The following GRIN2A variants were observed in gnomAD, a reference collection of about 807,000 sequenced individuals.
GRIN2A encodes glutamate receptor ionotropic, NMDA 2A.
In GRIN2A, 22 loss-of-function variants were observed where a neutral mutation model predicts 113.4. The observed-to-expected ratio is 0.19, with a 90% CI of 0.14 to 0.28. The LOEUF is 0.28. GRIN2A is among the 10% of genes least tolerant of loss of function. The pLI is 1.00. For missense variants in GRIN2A, 1,502 were observed against 1,887.0 expected (o/e 0.80, Z 3.78); for synonymous variants, 827 against 738.4 (o/e 1.12, Z -1.94).
At chr16:9,909,395 G>A (rs1423995396) in intron 3 of GRIN2A, among the ~76,000 whole-genome samples, 1 of 152,208 alleles carries the variant, frequency 6.6e-6, no homozygotes, top group Admixed American at 6.5e-5. Context: ...CCTAGGTTGA[G>A]CTGTCCAGTA....
chr16:9,906,468 G>C (rs914224864), intron 3 of GRIN2A, among the ~76,000 whole-genome samples: 3 of 152,164 alleles, frequency 2.0e-5, no homozygotes, highest in Non-Finnish European at 4.4e-5. Context: ...GAACCCTGGA[G>C]GGCATCTCTG....
intron 2 of GRIN2A, among the ~76,000 whole-genome samples, chr16:10,058,620 G>C (rs904953064): frequency 6.6e-6 from 1 of 152,232 alleles, no homozygotes; most frequent in Non-Finnish European, 1.5e-5. Flanking sequence ...ACTTTTGTTA[G>C]AGGTAAGTAA....
intron 2 of GRIN2A, 105 bp downstream of exon 2, chr16:10,179,893 C>T (rs2050224062): frequency 1.4e-6 from 1 of 718,988 alleles, no homozygotes. Context: ...CCCCCACCCC[C>T]ACTTCACATC....
chr16:10,172,258 T>C (rs35016816), intron 2 of GRIN2A, among the ~76,000 whole-genome samples: 17,561 of 152,304 alleles, frequency 0.12, 1,108 homozygotes, highest in African/African-American at 0.16. Context: ...TCCAAGGTTT[T>C]CTTGGATCTT....
chr16:10,032,714 C>A (rs573772720), intron 2 of GRIN2A, among the ~76,000 whole-genome samples: 1 of 152,296 alleles, frequency 6.6e-6, no homozygotes, highest in Non-Finnish European at 1.5e-5. Context: ...TAATGCCGGT[C>A]TCCACTCTGA....
chr16:9,803,344 T>A (rs1173666701), intron 10 of GRIN2A, among the ~76,000 whole-genome samples: 1 of 151,830 alleles, frequency 6.6e-6, no homozygotes, highest in Admixed American at 6.6e-5. Context: ...GAGGCAGAAG[T>A]TGCAGTGAGC....
At chr16:10,018,906 G>A (rs114946008) in intron 2 of GRIN2A, among the ~76,000 whole-genome samples, 1,534 of 152,242 alleles carry the variant, frequency 0.01, 22 homozygotes, top group African/African-American at 0.035. Flanking sequence ...ACTGGCTGTG[G>A]CCTGCCTTCA....
At chr16:9,980,827 A>G (rs6497602) in intron 2 of GRIN2A, among the ~76,000 whole-genome samples, 112,462 of 129,264 alleles carry the variant, frequency 0.87, 49,025 homozygotes, top group African/African-American at 0.93. Flanking sequence ...ATCACACACC[A>G]GGGACTGTTG....
intron 2 of GRIN2A, among the ~76,000 whole-genome samples, chr16:10,086,115 G>C (rs1296724372): frequency 2.0e-5 from 3 of 152,134 alleles, no homozygotes; most frequent in Non-Finnish European, 4.4e-5. Flanking sequence ...TGTTGAATTG[G>C]ATGACACCTG....
intron 2 of GRIN2A, among the ~76,000 whole-genome samples, chr16:10,030,568 G>T (rs1033000014): frequency 6.6e-6 from 1 of 152,180 alleles, no homozygotes; most frequent in African/African-American, 2.4e-5. Context: ...CAAGGATCAG[G>T]CGTTTTCAGA....
chr16:9,921,380 C>A (rs1596591304), intron 3 of GRIN2A, among the ~76,000 whole-genome samples: 1 of 152,172 alleles, frequency 6.6e-6, no homozygotes, highest in Non-Finnish European at 1.5e-5. Flanking sequence ...GAAAACACAA[C>A]TGACCCCTTT....
chr16:10,074,576 T>C (rs1190411432), intron 2 of GRIN2A, among the ~76,000 whole-genome samples: 1 of 152,226 alleles, frequency 6.6e-6, no homozygotes, highest in Admixed American at 6.5e-5. Context: ...ACTGATACCT[T>C]CTACAACATG....
At chr16:9,921,048 G>A (rs922280573) in intron 3 of GRIN2A, among the ~76,000 whole-genome samples, 1 of 152,138 alleles carries the variant, frequency 6.6e-6, no homozygotes, top group Admixed American at 6.5e-5. Context: ...CTAATTTAGA[G>A]GGAGTTGATG....
intron 2 of GRIN2A, among the ~76,000 whole-genome samples, chr16:9,959,785 C>A (rs1567201197): frequency 1.3e-5 from 2 of 152,148 alleles, no homozygotes; most frequent in South Asian, 4.1e-4. Context: ...ACCAGCCTGG[C>A]CAACATGGTG....
At chr16:9,800,174 C>A (rs890710621) in intron 10 of GRIN2A, among the ~76,000 whole-genome samples, 1 of 152,008 alleles carries the variant, frequency 6.6e-6, no homozygotes, top group African/African-American at 2.4e-5. Context: ...AGGGTTTCAC[C>A]AGGTTGGTCA....
chr16:10,050,162 G>C (rs7190321), intron 2 of GRIN2A, among the ~76,000 whole-genome samples: 17,609 of 152,216 alleles, frequency 0.12, 1,242 homozygotes, highest in African/African-American at 0.18. Flanking sequence ...ATTCTTCTAA[G>C]AGGGAGGTAG....
chr16:9,841,237 A>T, intron 5 of GRIN2A, 133 bp from the exon 6 acceptor site: 1 of 761,174 alleles, frequency 1.3e-6, no homozygotes, highest in Non-Finnish European at 2.3e-6. Context: ...TCCCAAGGAC[A>T]CACTGTGAGT....
At chr16:9,981,343 C>T (rs990938679) in intron 2 of GRIN2A, among the ~76,000 whole-genome samples, 11 of 152,156 alleles carry the variant, frequency 7.2e-5, no homozygotes, top group African/African-American at 2.4e-5. Context: ...AGGTCATTTC[C>T]AGAAAGGTTC....
chr16:10,008,491 A>G (rs1254586289), intron 2 of GRIN2A, among the ~76,000 whole-genome samples: 1 of 152,180 alleles, frequency 6.6e-6, no homozygotes, highest in African/African-American at 2.4e-5. Flanking sequence ...TCCAACAATA[A>G]CAATCAAAGG....
Sources: gnomAD v4.1 joint callset for allele counts (sites outside exome capture counted in the v4.1 genomes callset) on GRCh38, gnomAD v4.1.1 for gene constraint, MANE v1.5 for transcripts, NCBI Gene and HGNC (gene_info 2026-07-23, HGNC 2026-07-21) for gene names.